Variants in MARCHF4 observed in about 807,000 individuals in gnomAD.
MARCHF4 encodes E3 ubiquitin-protein ligase MARCHF4.
Under a neutral mutation model 43.9 loss-of-function variants are expected in MARCHF4, and 14 were observed. The ratio of observed to expected loss-of-function variants is 0.32; its 90% CI spans 0.21 to 0.50. The LOEUF is 0.50. Ranked by LOEUF, MARCHF4 falls within the 20% of genes least tolerant of loss-of-function variation. The pLI, the probability that MARCHF4 is intolerant of heterozygous loss-of-function variation, is 0.98. For missense variants in MARCHF4, 468 were observed against 536.7 expected (o/e 0.87, Z 1.27); for synonymous variants, 226 against 213.3 (o/e 1.06, Z -0.52).
chr2:216,283,447 C>G, intron 2 of MARCHF4, 127 bp downstream of exon 2: 1 of 1,197,048 alleles, frequency 8.4e-7, no homozygotes, highest in Non-Finnish European at 1.2e-6. Flanking sequence ...CCGTGCTTGC[C>G]CACCCAGCCC....
At chr2:216,335,316 GC>G (rs1221174202) in intron 1 of MARCHF4, among the ~76,000 whole-genome samples, 2 of 152,110 alleles carry the variant, frequency 1.3e-5, no homozygotes, top group Non-Finnish European at 2.9e-5. Flanking sequence ...ACAAAAGAAA[GC>G]CCCAAATGAC....
intron 1 of MARCHF4, among the ~76,000 whole-genome samples, chr2:216,334,839 G>A (rs1307174176): frequency 6.6e-6 from 1 of 152,206 alleles, no homozygotes; most frequent in Admixed American, 6.5e-5. Context: ...ACTAAAACAT[G>A]GATTCTCCAA....
intron 1 of MARCHF4, among the ~76,000 whole-genome samples, chr2:216,300,234 C>T (rs182151546): frequency 0.01 from 1,552 of 151,710 alleles, 29 homozygotes; most frequent in African/African-American, 0.036. Flanking sequence ...GTCTGCTACA[C>T]AATAAACATG....
Position 216,277,751 on chromosome 2 carries a change from G to A in MARCHF4, c.786C>T (p.Pro262=). 1 of 1,614,190 alleles carries A rather than the reference G, an allele frequency of 6.2e-7. No individual in the cohort carries two copies. The highest frequency in any genetic ancestry group is 8.5e-7 in the Non-Finnish European group (1 of 1,180,014). Residue 262 remains proline, a synonymous_variant, in exon 3 of 4, where the codon CCC becomes CCT. Coordinates refer to ENST00000273067, the MANE Select transcript of MARCHF4 (RefSeq NM_020814.3). ...GGTCTTGGCGCTGCCATCTTGCCGA[G>A]GGGCTGAAAGTTGACCAGATGAGCC... The part of the protein sequence containing the change: ...ISWLIWSTFS[P]SARWQRQDLL...
In MARCHF4 at chr2:216,277,657, A is replaced by G. The variant is rs1691048720; in HGVS notation, c.865+15T>C. ...TGGTTCCCCACTTCCCATGGAGACA[A>G]ACCCCCAGACCCACCTATGCACACC... On this transcript the variant is annotated intron_variant, in intron 3 of 3. Coordinates refer to ENST00000273067, the MANE Select transcript of MARCHF4 (RefSeq NM_020814.3). The G allele has an allele frequency of 6.3e-7, 1 of 1,578,402 alleles. No homozygotes were observed. The highest frequency in any genetic ancestry group is 1.7e-4 in the Middle Eastern group (1 of 5,882).
intron 1 of MARCHF4, among the ~76,000 whole-genome samples, chr2:216,363,738 T>G (rs1448141794): frequency 6.6e-6 from 1 of 152,198 alleles, no homozygotes; most frequent in Non-Finnish European, 1.5e-5. Flanking sequence ...GGTGTGTGCA[T>G]GGTGAAAATT....
At chr2:216,310,566 C>A (rs1344923923) in intron 1 of MARCHF4, among the ~76,000 whole-genome samples, 1 of 152,138 alleles carries the variant, frequency 6.6e-6, no homozygotes, top group South Asian at 2.1e-4. Context: ...CCAGCCAGTT[C>A]TTCCTTAAAC....
intron 1 of MARCHF4, among the ~76,000 whole-genome samples, chr2:216,367,781 G>A (rs1340785477): frequency 6.6e-6 from 1 of 152,190 alleles, no homozygotes; most frequent in Non-Finnish European, 1.5e-5. Flanking sequence ...TGTATCACAT[G>A]AGGGTATTTC....
intron 1 of MARCHF4, among the ~76,000 whole-genome samples, chr2:216,331,831 T>C (rs1692085067): frequency 6.6e-6 from 1 of 152,210 alleles, no homozygotes. Flanking sequence ...TTCTAGATCT[T>C]TTAGAGTATC....
At chr2:216,304,728 C>T (rs977224783) in intron 1 of MARCHF4, among the ~76,000 whole-genome samples, 5 of 152,062 alleles carry the variant, frequency 3.3e-5, no homozygotes, top group Admixed American at 2.6e-4. Flanking sequence ...CTGAGGTGGG[C>T]GGATCACCTG....
chr2:216,325,316 G>A (rs1383242829), intron 1 of MARCHF4, among the ~76,000 whole-genome samples: 5 of 152,126 alleles, frequency 3.3e-5, no homozygotes. Flanking sequence ...AAATAAAAGA[G>A]GATACAAACA....
At chr2:216,343,986 G>C (rs73988378) in intron 1 of MARCHF4, among the ~76,000 whole-genome samples, 1 of 152,170 alleles carries the variant, frequency 6.6e-6, no homozygotes, top group African/African-American at 2.4e-5. Flanking sequence ...AGTATGGATG[G>C]GGCCAGAGGA....
chr2:216,322,964 T>G (rs1447071569), intron 1 of MARCHF4, among the ~76,000 whole-genome samples: 1 of 152,244 alleles, frequency 6.6e-6, no homozygotes. Context: ...AAGAAAGTTG[T>G]AATTTTTCTT....
chr2:216,277,708 A>G lies in MARCHF4; in HGVS notation c.829T>C (p.Tyr277His). The G allele has an allele frequency of 1.2e-6, 2 of 1,613,978 alleles. No individual in the cohort carries two copies. The highest frequency in any genetic ancestry group is 8.5e-7 in the Non-Finnish European group (1 of 1,179,862). The part of the protein sequence containing the change: ...QRQDLLFQIC[Y>H]GMYGFMDVVC... ...ACGTCCATGAAGCCATACATCCCGT[A>G]GCAGATCTGGAAGAGAAGGTCTTGG... is the stretch of plus-strand genomic sequence containing the variant. The change falls in exon 3 of 4, where the codon TAC becomes CAC. Residue 277 changes from tyrosine to histidine, a missense_variant. By Grantham distance (83) the Tyr-to-His change is moderately conservative. Coordinates refer to ENST00000273067, the MANE Select transcript of MARCHF4 (RefSeq NM_020814.3).
chr2:216,267,832 C>T (rs113409726), intron 3 of MARCHF4, among the ~76,000 whole-genome samples: 28 of 152,278 alleles, frequency 1.8e-4, no homozygotes, highest in African/African-American at 6.7e-4. Flanking sequence ...ATATGTTGAG[C>T]TTTGTCAGAA....
intron 1 of MARCHF4, among the ~76,000 whole-genome samples, chr2:216,320,239 C>G (rs1183850807): frequency 6.6e-6 from 1 of 152,152 alleles, no homozygotes; most frequent in Non-Finnish European, 1.5e-5. Flanking sequence ...AAGAAGGATG[C>G]CATGTATTAA....
At chr2:216,259,733 G>A (rs1007242622) in intron 3 of MARCHF4, 54 bp from the exon 4 acceptor site, 35 of 1,547,604 alleles carry the variant, frequency 2.3e-5, no homozygotes, top group Middle Eastern at 2.0e-4. Flanking sequence ...AGTGGGTCAC[G>A]GCCAGGAGAC....
At chr2:216,368,365 G>A (rs1391652633) in intron 1 of MARCHF4, among the ~76,000 whole-genome samples, 1 of 152,188 alleles carries the variant, frequency 6.6e-6, no homozygotes, top group African/African-American at 2.4e-5. Flanking sequence ...CCTAACAGGA[G>A]TTTTCAACTC....
At chr2:216,291,364 G>C (rs1426255547) in intron 1 of MARCHF4, among the ~76,000 whole-genome samples, 1 of 152,178 alleles carries the variant, frequency 6.6e-6, no homozygotes, top group Non-Finnish European at 1.5e-5. Context: ...ATGAAGAAAA[G>C]GCATACGCTG....
Sources: allele counts gnomAD v4.1 joint callset (sites outside exome capture counted in the v4.1 genomes callset), GRCh38; gene constraint gnomAD v4.1.1; transcripts MANE v1.5; gene names NCBI Gene and HGNC (gene_info 2026-07-23, HGNC 2026-07-21).